The following RGP1 variants were observed in gnomAD, a reference collection of about 807,000 sequenced individuals.
RGP1 encodes the protein RGP1 partner of RAB6A GEF complex, also known as RAB6A-GEF complex partner protein 2.
A neutral mutation model predicts 44.5 loss-of-function variants in RGP1; 28 were observed. That is an observed-to-expected ratio of 0.63 (90% CI 0.47 to 0.86). The LOEUF is 0.86. Among genes scored for constraint, RGP1 ranks in the 40% least tolerant of loss-of-function variants. The probability of loss-of-function intolerance (pLI) is 0.00; values close to 1 mark genes in which losing one functional copy is unlikely to be tolerated. For synonymous variants in RGP1, 212 were observed against 196.7 expected, an observed-to-expected ratio of 1.08 and a Z score of -0.65; for missense variants, 417 against 490.7, an observed-to-expected ratio of 0.85 and a Z score of 1.42.
chr9:35,767,442 A>G, the RGP1 span, among the ~76,000 whole-genome samples: 1 of 152,164 alleles, frequency 6.6e-6, no homozygotes, highest in African/African-American at 2.4e-5. Context: ...TGATACCACC[A>G]TTCTTCAAGC....
At position 35,754,503 on chromosome 9, in the gene RGP1, G is replaced by A. The variant is rs1322045; in HGVS notation, c.*1629G>A. ...TCCCCAGCAAGGAGGCAGGAGGGGC[G>A]AGGGCCCCCAGGTGGTCCCCAGATC... On this transcript the variant is annotated 3_prime_UTR_variant, in exon 9 of 9. Transcript: ENST00000378078. 0.64 allele frequency: 108,893 copies of A among 169,470 alleles called. 35,224 individuals carry two copies. Among genetic ancestry groups the A allele is most frequent in the East Asian group, 0.82 (4,987 of 6,096 alleles). 10.5% of individuals were successfully genotyped at this position (169,470 alleles called of 1,614,324 possible).
chr9:35,789,754 C>A, the RGP1 span, among the ~76,000 whole-genome samples: 2 of 152,138 alleles, frequency 1.3e-5, no homozygotes. Context: ...ATATTGTAAG[C>A]ACAGCTTTCT....
chr9:35,772,175 A>G, the RGP1 span: 1 of 152,258 alleles, frequency 6.6e-6, no homozygotes, highest in Non-Finnish European at 1.5e-5. Flanking sequence ...ATATGCATCA[A>G]GGTGACAGGT....
At chr9:35,769,408 T>G in the RGP1 span, among the ~76,000 whole-genome samples, 3 of 152,170 alleles carry the variant, frequency 2.0e-5, no homozygotes. Flanking sequence ...TTTTATTGAG[T>G]CTGTTATGCC....
Position 35,753,576 on chromosome 9 carries a change from C to T in RGP1, c.*702C>T. On this transcript the variant is annotated 3_prime_UTR_variant, in exon 9 of 9. Transcript: ENST00000378078. The surrounding 1 kb of genome is among the most constrained non-coding windows in gnomAD (Gnocchi z 4.2). ...TGTATTGCTCTTCTGTTCATTCTTA[C>T]ATCACAGCAATCTAGTCACTCCCTG... The T allele has an allele frequency of 1.7e-6, 2 of 1,174,014 alleles. No homozygotes were observed. The highest frequency in any genetic ancestry group is 2.5e-5 in the East Asian group (1 of 39,790). 72.7% of individuals were successfully genotyped at this position (1,174,014 alleles called of 1,614,324 possible).
chr9:35,777,481 T>G, the RGP1 span, among the ~76,000 whole-genome samples: 1 of 151,114 alleles, frequency 6.6e-6, no homozygotes, highest in Non-Finnish European at 1.5e-5. Flanking sequence ...TTTCATTTAT[T>G]TATTTTTATA....
chr9:35,750,601 A>T (rs1007498258), intron 3 of RGP1, 57 bp from the exon 4 acceptor site: 25 of 1,554,136 alleles, frequency 1.6e-5, no homozygotes, highest in African/African-American at 2.7e-5. Flanking sequence ...TTGCCGTGCT[A>T]GTCTTGTTCA....
chr9:35,774,255 T>A, the RGP1 span, among the ~76,000 whole-genome samples: 1 of 152,148 alleles, frequency 6.6e-6, no homozygotes, highest in East Asian at 1.9e-4. Flanking sequence ...TGCTCCCCCA[T>A]GGCAGCAAAC....
Position 35,751,722 on chromosome 9 carries a change from A to G in RGP1, c.730A>G (p.Asn244Asp). Reference protein sequence around the residue: ...RLGEDVVGTLNLGEGTVACLQ... With the variant: ...RLGEDVVGTLDLGEGTVACLQ... ...TGGCGAGGACGTGGTGGGGACCTTAAACTTAGGGGAAGGAACCGTAGCTTG... is the reference window on the plus strand; with the variant it reads ...TGGCGAGGACGTGGTGGGGACCTTAGACTTAGGGGAAGGAACCGTAGCTTG... Residue 244 changes from asparagine (N) to aspartate (D), a missense_variant, in exon 7 of 9, where the codon AAC (asparagine) becomes GAC (aspartate). Transcript: ENST00000378078. The G allele has an allele frequency of 6.2e-7, 1 of 1,613,892 alleles. No individual in the cohort carries two copies.
At chr9:35,781,124 G>C in the RGP1 span, among the ~76,000 whole-genome samples, 1 of 151,836 alleles carries the variant, frequency 6.6e-6, no homozygotes, top group African/African-American at 2.4e-5. Context: ...CCTCAAAAAA[G>C]ACTAATTAGA....
chr9:35,763,621 C>T, the RGP1 span, among the ~76,000 whole-genome samples: 1 of 152,146 alleles, frequency 6.6e-6, no homozygotes, highest in East Asian at 1.9e-4. Context: ...ATGGCTCACG[C>T]CTGTAATCCC....
chr9:35,765,223 G>A, the RGP1 span, among the ~76,000 whole-genome samples: 5 of 151,968 alleles, frequency 3.3e-5, no homozygotes, highest in Non-Finnish European at 5.9e-5. Flanking sequence ...ATGGATATTT[G>A]GGCTGTTTTC....
Position 35,754,247 on chromosome 9 carries a change from G to T in RGP1, c.*1373G>T. 1 of 1,332,828 alleles carries T rather than the reference G, an allele frequency of 7.5e-7. No homozygotes were observed. The highest frequency in any genetic ancestry group is 1.0e-6 in the Non-Finnish European group (1 of 984,044). The allele number at this position is 1,332,828 out of a possible 1,614,324, so 82.6% of individuals were successfully genotyped here. A position where few individuals can be genotyped will look rare whatever the true frequency, so the allele number is the denominator to read the frequency against. On this transcript the variant is annotated 3_prime_UTR_variant, in exon 9 of 9. Transcript: ENST00000378078. ...CTTAGTTTCTGTCTTTCTCCCCTGG[G>T]CTCCTGTCTCACACTATCTCCCTGC...
the RGP1 span, among the ~76,000 whole-genome samples, chr9:35,779,657 C>A: frequency 6.6e-6 from 1 of 152,310 alleles, no homozygotes; most frequent in East Asian, 1.9e-4. Flanking sequence ...TGGCTTGGAT[C>A]AGGATTCTCT....
At chr9:35,761,313 T>C (rs906215422), downstream of RGP1, among the ~76,000 whole-genome samples, 2 of 152,200 alleles carry the variant, frequency 1.3e-5, no homozygotes, top group African/African-American at 4.8e-5. Flanking sequence ...ACAATTTGCT[T>C]TGGGCCAAAA....
At chr9:35,768,755 T>C in the RGP1 span, among the ~76,000 whole-genome samples, 1 of 152,190 alleles carries the variant, frequency 6.6e-6, no homozygotes, top group Non-Finnish European at 1.5e-5. Context: ...TTCCTGCTGC[T>C]ATGAAGTCCC....
the RGP1 span, among the ~76,000 whole-genome samples, chr9:35,778,295 T>A: frequency 2.2e-4 from 34 of 152,012 alleles, no homozygotes; most frequent in African/African-American, 8.0e-4. Flanking sequence ...AGAGCGAAAT[T>A]CTGTGTCAAA....
chr9:35,779,515 G>C, the RGP1 span, among the ~76,000 whole-genome samples: 1 of 152,320 alleles, frequency 6.6e-6, no homozygotes, highest in Non-Finnish European at 1.5e-5. Context: ...CATTCATTCT[G>C]TTTGGCTTAG....
At chr9:35,787,288 G>A in the RGP1 span, among the ~76,000 whole-genome samples, 1 of 151,960 alleles carries the variant, frequency 6.6e-6, no homozygotes, top group African/African-American at 2.4e-5. Context: ...GGAGTGCAGA[G>A]GTGCAGTCTC....
Sources: allele counts gnomAD v4.1 joint callset (sites outside exome capture counted in the v4.1 genomes callset), GRCh38; gene constraint gnomAD v4.1.1; non-coding constraint Gnocchi (gnomAD v3.1); transcripts MANE v1.5; gene names NCBI Gene and HGNC (gene_info 2026-07-23, HGNC 2026-07-21).